ADAMTS17: variants seen among roughly 807,000 people sequenced by gnomAD.
The protein encoded by ADAMTS17 is A disintegrin and metalloproteinase with thrombospondin motifs 17.
A neutral mutation model predicts 141.5 loss-of-function variants in ADAMTS17; 113 were observed. The observed-to-expected ratio is 0.80, with a 90% CI of 0.69 to 0.93. ADAMTS17 has a LOEUF of 0.93. Among genes scored for constraint, ADAMTS17 ranks in the 40% least tolerant of loss-of-function variants. ADAMTS17 has a pLI of 0.00. For synonymous variants in ADAMTS17, 768 were observed against 630.6 expected, an observed-to-expected ratio of 1.22 and a Z score of -3.27; for missense variants, 1,659 against 1,517.9, an observed-to-expected ratio of 1.09 and a Z score of -1.54.
intron 14 of ADAMTS17, among the ~76,000 whole-genome samples, chr15:100,106,383 G>A (rs2036415622): frequency 6.6e-6 from 1 of 152,192 alleles, no homozygotes; most frequent in Non-Finnish European, 1.5e-5. Flanking sequence ...ACAGGGTTGG[G>A]CTCAATGCTA....
chr15:100,255,029 T>C (rs1000120263), intron 6 of ADAMTS17, among the ~76,000 whole-genome samples: 1 of 151,156 alleles, frequency 6.6e-6, no homozygotes, highest in Non-Finnish European at 1.5e-5. Flanking sequence ...AAAAAAACTG[T>C]CTTCCTTAAA....
At chr15:100,249,216 G>A (rs1440406731) in intron 7 of ADAMTS17, among the ~76,000 whole-genome samples, 1 of 152,122 alleles carries the variant, frequency 6.6e-6, no homozygotes, top group Non-Finnish European at 1.5e-5. Context: ...CCTTGGAAAC[G>A]CCAACTTTGC....
At chr15:100,304,078 C>T (rs959395342) in intron 3 of ADAMTS17, among the ~76,000 whole-genome samples, 1 of 152,186 alleles carries the variant, frequency 6.6e-6, no homozygotes, top group Non-Finnish European at 1.5e-5. Context: ...AATTTTACTT[C>T]AGCTCAGAAT....
At chr15:100,309,804 T>C (rs754097697) in intron 3 of ADAMTS17, among the ~76,000 whole-genome samples, 3 of 152,180 alleles carry the variant, frequency 2.0e-5, no homozygotes, top group Non-Finnish European at 4.4e-5. Flanking sequence ...TGGGGGTCTG[T>C]GTGGCCAAGC....
chr15:100,013,567 G>A (rs567302223), intron 18 of ADAMTS17, among the ~76,000 whole-genome samples: 27 of 152,172 alleles, frequency 1.8e-4, no homozygotes, highest in African/African-American at 5.5e-4. Flanking sequence ...CTCGCATGCC[G>A]GTTTTGCTGA....
chr15:100,155,788 T>C, intron 8 of ADAMTS17, among the ~76,000 whole-genome samples: 1 of 152,200 alleles, frequency 6.6e-6, no homozygotes, highest in East Asian at 1.9e-4. Context: ...TTCCAACTCA[T>C]TACAGAGTAT....
intron 6 of ADAMTS17, among the ~76,000 whole-genome samples, chr15:100,254,488 A>G (rs1469046262): frequency 1.3e-5 from 2 of 152,210 alleles, no homozygotes; most frequent in Admixed American, 1.3e-4. Flanking sequence ...CACTGATCCG[A>G]GACAATTCTC....
chr15:100,288,890 CAAA>C (rs970847396), intron 3 of ADAMTS17, among the ~76,000 whole-genome samples: 1 of 151,988 alleles, frequency 6.6e-6, no homozygotes, highest in South Asian at 2.1e-4. Flanking sequence ...ATGCTCTCAT[CAAA>C]AAAGTCAGAA....
Position 100,042,455 on chromosome 15 carries a change from A to T in ADAMTS17, c.2591+6402T>A, listed in dbSNP as rs542560896. ...AGATTTCTTTCTTCTTTTTCTTCAC[A>T]ATTTCATGGGTAGAAGATTCATTTA... On this transcript the variant is annotated intron_variant, in intron 18 of 21. Transcript: ENST00000268070. 7.2e-5 allele frequency among the ~76,000 whole-genome samples: 11 copies of T among 152,166 alleles called. No homozygotes were observed. In the South Asian group the frequency reaches 2.3e-3, roughly 32 times the overall value.
At chr15:100,041,783 G>C (rs761529309) in intron 18 of ADAMTS17, among the ~76,000 whole-genome samples, 2 of 152,184 alleles carry the variant, frequency 1.3e-5, no homozygotes, top group Non-Finnish European at 2.9e-5. Flanking sequence ...TTAGAATAAA[G>C]TGGTGCTAAT....
At chr15:100,139,133 G>A (rs2038493054) in intron 10 of ADAMTS17, among the ~76,000 whole-genome samples, 1 of 152,052 alleles carries the variant, frequency 6.6e-6, no homozygotes, top group Non-Finnish European at 1.5e-5. Flanking sequence ...CTCTTTGGGG[G>A]GAAACTAGAT....
chr15:99,988,672 G>A (rs990560143), intron 20 of ADAMTS17, among the ~76,000 whole-genome samples: 6 of 152,218 alleles, frequency 3.9e-5, no homozygotes, highest in Non-Finnish European at 7.3e-5. Context: ...CTGAAAGCCT[G>A]GAAGTGTTCT....
chr15:100,331,989 C>T (rs549014281), intron 2 of ADAMTS17, among the ~76,000 whole-genome samples: 21 of 152,296 alleles, frequency 1.4e-4, no homozygotes, highest in African/African-American at 3.8e-4. Flanking sequence ...CCCAGCTCTA[C>T]GTTCTGAAAG....
chr15:100,116,812 A>G (rs751276219), intron 13 of ADAMTS17, 35 bp downstream of exon 13: 4 of 1,613,698 alleles, frequency 2.5e-6, no homozygotes, highest in Non-Finnish European at 3.4e-6. Flanking sequence ...GGAGGACAGG[A>G]GGCTGCCATG....
chr15:99,996,214 C>A (rs1377362668), intron 19 of ADAMTS17, among the ~76,000 whole-genome samples: 1 of 152,084 alleles, frequency 6.6e-6, no homozygotes, highest in Non-Finnish European at 1.5e-5. Context: ...GCCACCATGC[C>A]CGGCTAATTT....
chr15:99,992,612 G>T (rs1321876234), intron 20 of ADAMTS17, among the ~76,000 whole-genome samples: 1 of 152,146 alleles, frequency 6.6e-6, no homozygotes, highest in Non-Finnish European at 1.5e-5. Flanking sequence ...CCACCCCATG[G>T]CCCCCTGCCC....
intron 7 of ADAMTS17, among the ~76,000 whole-genome samples, chr15:100,217,322 A>G (rs2041999775): frequency 6.6e-6 from 1 of 152,330 alleles, no homozygotes; most frequent in Non-Finnish European, 1.5e-5. Flanking sequence ...CCTAAACGTA[A>G]GACTGAAAAT....
At chr15:100,195,776 C>A (rs1221170104) in intron 8 of ADAMTS17, among the ~76,000 whole-genome samples, 1 of 152,122 alleles carries the variant, frequency 6.6e-6, no homozygotes, top group East Asian at 1.9e-4. Context: ...CATTTACTTC[C>A]CTTAAACTGA....
intron 7 of ADAMTS17, among the ~76,000 whole-genome samples, chr15:100,211,513 A>G (rs2041809230): frequency 6.6e-6 from 1 of 152,190 alleles, no homozygotes; most frequent in Non-Finnish European, 1.5e-5. Flanking sequence ...AATGGAAACA[A>G]CTTCGAATCT....
Sources: allele counts gnomAD v4.1 joint callset (sites outside exome capture counted in the v4.1 genomes callset), GRCh38; gene constraint gnomAD v4.1.1; transcripts MANE v1.5; gene names NCBI Gene and HGNC (gene_info 2026-07-23, HGNC 2026-07-21).